PEX5: variants seen among roughly 807,000 people sequenced by gnomAD.
PEX5 encodes PTS1 receptor.
A neutral mutation model predicts 82.9 loss-of-function variants in PEX5; 52 were observed. The ratio of observed to expected loss-of-function variants is 0.63; its 90% CI spans 0.50 to 0.79. PEX5 has a LOEUF of 0.79. PEX5 is among the 30% of genes least tolerant of loss of function. The pLI is 0.00. For synonymous variants in PEX5, 300 were observed against 318.8 expected (o/e 0.94, Z 0.63); for missense variants, 719 against 815.2 (o/e 0.88, Z 1.44).
At chr12:7,195,981 A>G (rs931059340) in intron 5 of PEX5, among the ~76,000 whole-genome samples, 7 of 148,830 alleles carry the variant, frequency 4.7e-5, no homozygotes, top group African/African-American at 1.2e-4. Flanking sequence ...AGATGGATCT[A>G]TGGTCAAAAA....
intron 7 of PEX5, 119 bp from the exon 8 acceptor site, chr12:7,202,122 C>T (rs767266332): frequency 3.1e-5 from 47 of 1,499,394 alleles, no homozygotes; most frequent in African/African-American, 4.1e-5. Flanking sequence ...TTTAGCATAT[C>T]TTGTCTGCAG....
In PEX5 at chr12:7,208,061, G is replaced by T. The variant is rs1010839794; in HGVS notation, c.1162G>T (p.Ala388Ser). 2.5e-6 allele frequency: 4 copies of T among 1,613,446 alleles called. No homozygotes were observed. The African/African-American group carries it at 5.3e-5, about 22-fold the overall frequency. Residue 388 changes from alanine to serine, a missense_variant, in exon 12 of 16, where the codon GCC becomes TCC. Physicochemically the swap from Ala to Ser is moderately conservative, Grantham distance 99 (BLOSUM62 1). Coordinates refer to ENST00000675855, the MANE Select transcript of PEX5 (RefSeq NM_001351132.2). ...GGCAGAGAATGAACAAGAACTATTA[G>T]CCATCAGTGCATTGCGGAGGTGAGT... ...TQAENEQELL[A>S]ISALRRCLEL... is the part of the protein sequence containing the mutation.
intron 2 of PEX5, 60 bp from the exon 3 acceptor site, chr12:7,190,828 T>C (rs976191164): frequency 6.6e-7 from 1 of 1,522,604 alleles, no homozygotes. Flanking sequence ...CCTATGGGCT[T>C]CATCAACCCC....
At chr12:7,206,180 T>C (rs1416759101) in intron 10 of PEX5, among the ~76,000 whole-genome samples, 1 of 152,264 alleles carries the variant, frequency 6.6e-6, no homozygotes, top group African/African-American at 2.4e-5. Context: ...CACACTGGCT[T>C]GTGGGATAAA....
At chr12:7,213,422 A>G (rs771636885), downstream of PEX5, among the ~76,000 whole-genome samples, 925 of 113,986 alleles carry the variant, frequency 8.1e-3, 8 homozygotes, top group African/African-American at 0.03. Flanking sequence ...CAGAAATAAC[A>G]CCGCATATCT....
intron 10 of PEX5, among the ~76,000 whole-genome samples, chr12:7,205,773 T>C (rs1944683164): frequency 6.6e-6 from 1 of 152,210 alleles, no homozygotes; most frequent in South Asian, 2.1e-4. Flanking sequence ...GTAGATAATA[T>C]GGATGAGAGG....
At chr12:7,212,405 G>A (rs1234468188), downstream of PEX5, among the ~76,000 whole-genome samples, 4 of 148,742 alleles carry the variant, frequency 2.7e-5, no homozygotes, top group Admixed American at 2.7e-4. Flanking sequence ...ATCACAGGGA[G>A]GAGCACCATA....
chr12:7,197,321 CATATACAATGTAATAATTATATATGTCAT>C (rs1942803453), intron 5 of PEX5, among the ~76,000 whole-genome samples: 1 of 123,314 alleles, frequency 8.1e-6, no homozygotes, highest in Non-Finnish European at 1.7e-5. Flanking sequence ...AATCATATGT[CATATACAATGTAATAATTATATATGTCAT>C]ATACAATGTA....
Position 7,190,470 on chromosome 12 carries a change from G to A in PEX5, c.93G>A (p.Arg31=), listed in dbSNP as rs769432821. ...ACTTCACCCAGGACAAGGCCCTTCGGCAGGAGGGATTGAGGCCTGGCCCCT... is the reference window on the plus strand; with the variant it reads ...ACTTCACCCAGGACAAGGCCCTTCGACAGGAGGGATTGAGGCCTGGCCCCT... ...AGHFTQDKAL[R]QEGLRPGPWP... The change falls in exon 2 of 16, where the codon CGG becomes CGA. Residue 31 remains arginine, a synonymous_variant. Transcript: ENST00000675855. 2 of 1,614,102 alleles carry A rather than the reference G, an allele frequency of 1.2e-6. No homozygotes were observed. The highest frequency in any genetic ancestry group is 1.7e-6 in the Non-Finnish European group (2 of 1,180,018).
intron 17 of PEX5, among the ~76,000 whole-genome samples, chr12:7,217,389 C>T (rs1045830931): frequency 2.0e-5 from 3 of 152,344 alleles, no homozygotes; most frequent in Middle Eastern, 6.8e-3. Flanking sequence ...GCTGTACTCA[C>T]CGGGGAACAT....
chr12:7,193,069 T>G (rs1051552918), intron 5 of PEX5, among the ~76,000 whole-genome samples: 11 of 152,242 alleles, frequency 7.2e-5, no homozygotes, highest in African/African-American at 2.7e-4. Flanking sequence ...TCACTTTATC[T>G]TCTTAAGCTC....
At chr12:7,197,456 G>A (rs761519807) in intron 5 of PEX5, among the ~76,000 whole-genome samples, 3 of 114,754 alleles carry the variant, frequency 2.6e-5, no homozygotes, top group East Asian at 2.3e-4. Flanking sequence ...TATATATAAT[G>A]TAATAATTAT....
At chr12:7,206,250 A>G (rs1944756937) in intron 10 of PEX5, among the ~76,000 whole-genome samples, 1 of 152,244 alleles carries the variant, frequency 6.6e-6, no homozygotes, top group African/African-American at 2.4e-5. Flanking sequence ...AAATGGTTGG[A>G]GAAAATCAAA....
chr12:7,217,272 T>C (rs1189284079), intron 17 of PEX5, among the ~76,000 whole-genome samples: 1 of 152,240 alleles, frequency 6.6e-6, no homozygotes, highest in Non-Finnish European at 1.5e-5. Context: ...GGAAGTATAT[T>C]AGTTATATCT....
At chr12:7,190,836 C>T in intron 2 of PEX5, 52 bp from the exon 3 acceptor site, 2 of 1,565,706 alleles carry the variant, frequency 1.3e-6, no homozygotes, top group South Asian at 1.1e-5. Context: ...CTTCATCAAC[C>T]CCTGATTTTA....
downstream of PEX5, chr12:7,211,610 T>TA (rs1478555515): frequency 6.6e-6 from 1 of 152,096 alleles, no homozygotes; most frequent in Non-Finnish European, 1.5e-5. Flanking sequence ...CTAAAAATGA[T>TA]AGAGCACAGG....
chr12:7,191,535 ATTCT>A lies in PEX5; in HGVS notation c.317-28_317-25del, dbSNP rs778469572. On this transcript the variant is annotated intron_variant, in intron 4 of 15. Transcript: ENST00000675855. ...AGGCATGATGGAATGGTATGTATGT[ATTCT>A]TTCTTAGTTTTCTCTCTCTCTCTTT... is the stretch of plus-strand genomic sequence containing the variant. 43 of 1,612,740 alleles carry A rather than the reference ATTCT, an allele frequency of 2.7e-5. 1 individual carries two copies. The South Asian group carries it at 4.5e-4, about 17-fold the overall frequency.
chr12:7,212,715 G>C (rs902992604), downstream of PEX5: 6 of 152,200 alleles, frequency 3.9e-5, no homozygotes, highest in African/African-American at 1.4e-4. Flanking sequence ...AAAGTGGGGA[G>C]ATCATACTTC....
At chr12:7,188,995 GCTGA>G (rs1940408019), upstream of PEX5, 1 of 152,214 alleles carries the variant, frequency 6.6e-6, no homozygotes, top group Non-Finnish European at 1.5e-5. Flanking sequence ...GGAAGGAAGG[GCTGA>G]CTCACTGTTC....
Sources: gnomAD v4.1 joint callset for allele counts (sites outside exome capture counted in the v4.1 genomes callset) on GRCh38, gnomAD v4.1.1 for gene constraint, MANE v1.5 for transcripts, NCBI Gene and HGNC (gene_info 2026-07-23, HGNC 2026-07-21) for gene names.